VEPH1: variants seen among roughly 807,000 people sequenced by gnomAD.
VEPH1 encodes ventricular zone-expressed PH domain-containing protein homolog 1.
A neutral mutation model predicts 85.2 loss-of-function variants in VEPH1; 80 were observed. The ratio of observed to expected loss-of-function variants is 0.94; its 90% confidence interval spans 0.78 to 1.13. The LOEUF (loss-of-function observed/expected upper bound fraction) is 1.13, where lower values mean the gene tolerates loss of function less well. Among genes scored for constraint, VEPH1 ranks in the 50% most tolerant of loss-of-function variants. VEPH1 has a pLI of 0.00. For missense variants in VEPH1, 955 were observed against 980.5 expected (o/e 0.97, Z 0.35); for synonymous variants, 297 against 348.0 (o/e 0.85, Z 1.63).
intron 12 of VEPH1, among the ~76,000 whole-genome samples, chr3:157,280,547 T>G (rs1715970106): frequency 6.6e-6 from 1 of 152,182 alleles, no homozygotes; most frequent in Non-Finnish European, 1.5e-5. Context: ...TTGTTTCTCT[T>G]CAAGATTTAC....
chr3:157,436,513 G>T (rs1483160099), intron 4 of VEPH1, among the ~76,000 whole-genome samples: 1 of 152,104 alleles, frequency 6.6e-6, no homozygotes, highest in Non-Finnish European at 1.5e-5. Flanking sequence ...CTGAAATGAT[G>T]ATTTGCTTCA....
At chr3:157,430,462 T>C (rs1441686165) in intron 4 of VEPH1, among the ~76,000 whole-genome samples, 1 of 152,244 alleles carries the variant, frequency 6.6e-6, no homozygotes, top group Non-Finnish European at 1.5e-5. Context: ...CTTATTCATA[T>C]ACTCTCTGTG....
rs531131589 is a variant in VEPH1 at position 157,451,396 on chromosome 3, C to T, written c.529+8785G>A. 1.1e-4 allele frequency among the ~76,000 whole-genome samples: 17 copies of T among 152,234 alleles called. 1 individual carries two copies. The South Asian group carries it at 3.5e-3, about 32-fold the overall frequency. On this transcript the variant is annotated intron_variant, in intron 4 of 13. Coordinates refer to ENST00000362010, the MANE Select transcript of VEPH1 (RefSeq NM_001167912.2). ...TAAGACCTTTTACAATTACCACTTA[C>T]TGGGAGAATTCAGAGAATACAAAAC...
intron 4 of VEPH1, among the ~76,000 whole-genome samples, chr3:157,446,274 G>C (rs945550811): frequency 3.3e-5 from 5 of 151,944 alleles, no homozygotes; most frequent in African/African-American, 1.2e-4. Context: ...AGCACTGAAA[G>C]TTCCATGTCC....
intron 11 of VEPH1, among the ~76,000 whole-genome samples, chr3:157,289,953 G>C (rs1358157683): frequency 6.6e-6 from 1 of 152,002 alleles, no homozygotes; most frequent in Non-Finnish European, 1.5e-5. Context: ...CATTCCCTGT[G>C]TATGGGAAGG....
At chr3:157,318,926 C>T (rs901650522) in intron 9 of VEPH1, among the ~76,000 whole-genome samples, 7 of 152,006 alleles carry the variant, frequency 4.6e-5, no homozygotes, top group East Asian at 1.9e-4. Flanking sequence ...GATCCTAGTA[C>T]GGGCGACAGA....
At chr3:157,278,297 A>G (rs62279638) in intron 12 of VEPH1, among the ~76,000 whole-genome samples, 35,466 of 152,162 alleles carry the variant, frequency 0.23, 4,279 homozygotes, top group Non-Finnish European at 0.27. Flanking sequence ...TAAGTGAAGA[A>G]GGGAGAGAGG....
intron 1 of VEPH1, among the ~76,000 whole-genome samples, chr3:157,498,721 G>T (rs1739871154): frequency 6.6e-6 from 1 of 152,132 alleles, no homozygotes; most frequent in Non-Finnish European, 1.5e-5. Flanking sequence ...TTTTTCAGCA[G>T]CTCTCATTAA....
intron 9 of VEPH1, among the ~76,000 whole-genome samples, chr3:157,329,192 G>A (rs938917833): frequency 6.6e-6 from 1 of 152,060 alleles, no homozygotes; most frequent in African/African-American, 2.4e-5. Flanking sequence ...GGTATTTATT[G>A]CAGTTTTTAT....
At chr3:157,317,294 A>G (rs948647400) in intron 9 of VEPH1, 93 bp from the exon 10 acceptor site, 6 of 1,243,566 alleles carry the variant, frequency 4.8e-6, no homozygotes, top group Admixed American at 5.7e-5. Context: ...TTTATAAAAT[A>G]TCCTTCAGTT....
rs186048090 is a variant in VEPH1, at chr3:157,430,896, A to G, written c.530-2408T>C. Among the ~76,000 whole-genome samples, 144 of 152,346 alleles carry G rather than the reference A, an allele frequency of 9.5e-4. 1 individual carries two copies. The highest frequency in any genetic ancestry group is 7.3e-4 in the Non-Finnish European group (50 of 68,032). On this transcript the variant is annotated intron_variant, in intron 4 of 13. Transcript: ENST00000362010. ...TATTTCTGTAGTTCAGAAGTCTGAC[A>G]TAAGTCTCCCTAAGTTAAAATCAAT...
Position 157,260,047 on chromosome 3 carries a change from G to GA in VEPH1, c.*1086dup, listed in dbSNP as rs1424778053. Reference sequence around the variant, plus strand: ...CTGATTAGGTCAGGCCCACCCAGGGGATCTCTTTGATTAACTCAAAGTCAG... The same window carrying GA: ...CTGATTAGGTCAGGCCCACCCAGGGGAATCTCTTTGATTAACTCAAAGTCAG... On this transcript the variant is annotated 3_prime_UTR_variant, in exon 14 of 14. Coordinates refer to ENST00000362010, the MANE Select transcript of VEPH1 (RefSeq NM_001167912.2). 2.0e-5 allele frequency: 3 copies of GA among 152,136 alleles called. No homozygotes were observed. Among genetic ancestry groups the GA allele is most frequent in the Admixed American group, 2.0e-4 (3 of 15,260 alleles). The allele number at this position is 152,136 out of a possible 1,614,324, so 9.4% of individuals were successfully genotyped here.
At chr3:157,432,681 T>C (rs1437368570) in intron 4 of VEPH1, among the ~76,000 whole-genome samples, 1 of 152,164 alleles carries the variant, frequency 6.6e-6, no homozygotes, top group Non-Finnish European at 1.5e-5. Flanking sequence ...AATTTTATAA[T>C]AAATCATTAT....
intron 9 of VEPH1, among the ~76,000 whole-genome samples, chr3:157,323,070 C>T (rs1420093687): frequency 7.9e-5 from 12 of 152,100 alleles, no homozygotes; most frequent in African/African-American, 2.9e-4. Flanking sequence ...CCAGTGTGGA[C>T]CACTTGTAAA....
intron 2 of VEPH1, among the ~76,000 whole-genome samples, chr3:157,475,905 A>T (rs376147619): frequency 5.3e-5 from 8 of 152,374 alleles, no homozygotes; most frequent in African/African-American, 1.9e-4. Context: ...TGAAAAAAGA[A>T]CGATTGAGAA....
At chr3:157,365,764 A>G (rs1726608791) in intron 7 of VEPH1, among the ~76,000 whole-genome samples, 1 of 152,162 alleles carries the variant, frequency 6.6e-6, no homozygotes, top group Admixed American at 6.5e-5. Flanking sequence ...TGCATAGGGC[A>G]AGGTATGGGA....
rs561572374 is a variant in VEPH1, at chr3:157,313,131, C to G, written c.2010+490G>C. 4.0e-5 allele frequency among the ~76,000 whole-genome samples: 6 copies of G among 151,882 alleles called. No individual in the cohort carries two copies. In the South Asian group the frequency reaches 1.0e-3, roughly 26 times the overall value. On this transcript the variant is annotated intron_variant, in intron 11 of 13. Transcript: ENST00000362010. The stretch of plus-strand genomic sequence containing the variant: ...GTGTTAGCCAGGATGCTCTCGATCT[C>G]CTGACCTCGTGATCCGCCCGCCTCG...
rs146261306 is a variant in VEPH1, at chr3:157,362,431, C to T, written c.1735+933G>A. Among the ~76,000 whole-genome samples, 54 of 152,262 alleles carry T rather than the reference C, an allele frequency of 3.5e-4. No individual in the cohort carries two copies. In the East Asian group the frequency reaches 9.7e-3, roughly 27 times the overall value. ...TTTTTTATTTTTTTACTTTGCCCTT[C>T]GTTTTCTGACTAGCTCAACCTCTCA... On this transcript the variant is annotated intron_variant, in intron 9 of 13. Coordinates refer to ENST00000362010, the MANE Select transcript of VEPH1 (RefSeq NM_001167912.2).
At chr3:157,397,550 G>T (rs1397256378) in intron 6 of VEPH1, among the ~76,000 whole-genome samples, 2 of 152,150 alleles carry the variant, frequency 1.3e-5, no homozygotes, top group African/African-American at 4.8e-5. Flanking sequence ...TCCTATCAAT[G>T]AGTATGGTAT....
Sources: gnomAD v4.1 joint callset for allele counts (sites outside exome capture counted in the v4.1 genomes callset) on GRCh38, gnomAD v4.1.1 for gene constraint, MANE v1.5 for transcripts, NCBI Gene and HGNC (gene_info 2026-07-23, HGNC 2026-07-21) for gene names.